EP300: variants seen among roughly 807,000 people sequenced by gnomAD.
EP300 encodes histone acetyltransferase p300.
Under a neutral mutation model 264.0 loss-of-function variants are expected in EP300, and 31 were observed. The ratio of observed to expected loss-of-function variants is 0.12; its 90% confidence interval spans 0.09 to 0.16. EP300 has a LOEUF of 0.16. Ranked by LOEUF, EP300 falls within the 10% of genes least tolerant of loss-of-function variation. EP300 has a pLI of 1.00. For synonymous variants in EP300, 1,340 were observed against 1,045.4 expected, an observed-to-expected ratio of 1.28 and a Z score of -5.44; for missense variants, 2,766 against 3,052.9, an observed-to-expected ratio of 0.91 and a Z score of 2.21.
In EP300 at chr22:41,177,101, A is replaced by G. The variant is rs770531865; in HGVS notation, c.5390A>G (p.Gln1797Arg). Residue 1797 changes from glutamine (Q) to arginine (R), a missense_variant, in exon 31 of 31, where the codon CAG (glutamine) becomes CGG (arginine). Transcript: ENST00000263253. ...ALCCYHAKHC[Q>R]ENKCPVPFCL... ...TGCTGCTACCATGCCAAGCACTGCC[A>G]GGAGAACAAATGCCCGGTGCCGTTC... is the stretch of plus-strand genomic sequence containing the variant. 6.2e-7 allele frequency: 1 copy of G among 1,614,014 alleles called. No homozygotes were observed. Among genetic ancestry groups the G allele is most frequent in the Non-Finnish European group, 8.5e-7 (1 of 1,180,026 alleles).
rs537538160 is a variant in EP300, at chr22:41,156,976, G to T, written c.3262-193G>T. 2.0e-5 allele frequency among the ~76,000 whole-genome samples: 3 copies of T among 152,256 alleles called. No individual in the cohort carries two copies. The South Asian group carries it at 6.2e-4, about 32-fold the overall frequency. ...AAGTCCATAGTAGTTCTGTTTCTCT[G>T]CCCTTTGAGTAGTTTAATATCTCTG... On this transcript the variant is annotated intron_variant, in intron 17 of 30. Transcript: ENST00000263253.
At chr22:41,174,604 T>C (rs2059189589) in intron 29 of EP300, 1 of 151,998 alleles carries the variant, frequency 6.6e-6, no homozygotes, top group African/African-American at 2.4e-5. Flanking sequence ...CTCTTTAATA[T>C]CATATAATTG....
At chr22:41,169,659 G>A (rs1405767065) in intron 26 of EP300, 43 bp downstream of exon 26, 2 of 1,163,506 alleles carry the variant, frequency 1.7e-6, no homozygotes, top group Non-Finnish European at 2.6e-6. Flanking sequence ...TAACTAGCAT[G>A]GCATTCTGGT....
At chr22:41,169,680 T>C in intron 26 of EP300, 64 bp downstream of exon 26, 1 of 935,294 alleles carries the variant, frequency 1.1e-6, no homozygotes, top group Non-Finnish European at 1.7e-6. Context: ...GAGATATAGG[T>C]TAAATATGCA....
At chr22:41,132,952 T>A (rs2058929060) in intron 6 of EP300, among the ~76,000 whole-genome samples, 1 of 152,178 alleles carries the variant, frequency 6.6e-6, no homozygotes, top group Non-Finnish European at 1.5e-5. Flanking sequence ...ATCAAACAGC[T>A]TTTTTCTGTG....
rs1348403704 is a variant in EP300, at chr22:41,179,304, T to G, written c.*348T>G. 7 of 292,906 alleles carry G rather than the reference T, an allele frequency of 2.4e-5. No individual in the cohort carries two copies. The highest frequency in any genetic ancestry group is 1.0e-3 in the Middle Eastern group (1 of 1,002). 18.1% of individuals were successfully genotyped at this position (292,906 alleles called of 1,614,324 possible). ...GGTTTTATTATTTTTTTTAAATTAA[T>G]GAACATATGTAATATTAATAGTTAT... On this transcript the variant is annotated 3_prime_UTR_variant, in exon 31 of 31. Coordinates refer to ENST00000263253, the MANE Select transcript of EP300 (RefSeq NM_001429.4).
At chr22:41,100,004 G>A (rs1356461222) in intron 1 of EP300, among the ~76,000 whole-genome samples, 1 of 152,120 alleles carries the variant, frequency 6.6e-6, no homozygotes, top group Non-Finnish European at 1.5e-5. Flanking sequence ...ATTGCTTGAG[G>A]CCAGGCATTC....
At chr22:41,153,257 G>A (rs2059057480) in intron 16 of EP300, among the ~76,000 whole-genome samples, 1 of 152,180 alleles carries the variant, frequency 6.6e-6, no homozygotes, top group Admixed American at 6.5e-5. Context: ...TGGCTCTAGT[G>A]ATCTGCAAAA....
At chr22:41,146,339 G>A (rs968131556) in intron 10 of EP300, among the ~76,000 whole-genome samples, 15 of 151,956 alleles carry the variant, frequency 9.9e-5, no homozygotes, top group African/African-American at 3.4e-4. Flanking sequence ...TAATTTTTTT[G>A]TATTTTTAGT....
intron 1 of EP300, among the ~76,000 whole-genome samples, chr22:41,109,233 G>A (rs1221118080): frequency 7.7e-6 from 1 of 129,178 alleles, no homozygotes; most frequent in Non-Finnish European, 1.6e-5. Flanking sequence ...CAGGCTGGGC[G>A]ACAGAGCAAG....
chr22:41,128,303 AAAG>A (rs1179505287), intron 4 of EP300, among the ~76,000 whole-genome samples: 2 of 152,060 alleles, frequency 1.3e-5, no homozygotes, highest in Non-Finnish European at 2.9e-5. Flanking sequence ...AAAAAATACT[AAAG>A]AAAATCAGCC....
rs370858879 is a variant in EP300 at position 41,096,286 on chromosome 22, T to C, written c.94+3188T>C. Among the ~76,000 whole-genome samples, 21 of 152,224 alleles carry C rather than the reference T, an allele frequency of 1.4e-4. No individual in the cohort carries two copies. The East Asian group carries it at 2.5e-3, about 18-fold the overall frequency. ...TGGAGCTGTTTCTGATCATCTTGAG[T>C]GATGGAAATGATGAGGGTCATCTGT... is the stretch of plus-strand genomic sequence containing the variant. On this transcript the variant is annotated intron_variant, in intron 1 of 30. Transcript: ENST00000263253.
At chr22:41,152,892 G>A (rs1340191910) in intron 16 of EP300, among the ~76,000 whole-genome samples, 1 of 152,012 alleles carries the variant, frequency 6.6e-6, no homozygotes, top group Non-Finnish European at 1.5e-5. Flanking sequence ...CGAGTATCTG[G>A]GACTGCATGC....
At chr22:41,112,254 GTC>G (rs557857203) in intron 1 of EP300, among the ~76,000 whole-genome samples, 2 of 151,276 alleles carry the variant, frequency 1.3e-5, no homozygotes, top group South Asian at 4.2e-4. Flanking sequence ...CAGTGGCACT[GTC>G]TCTGCTCACT....
intron 7 of EP300, among the ~76,000 whole-genome samples, chr22:41,136,593 C>T (rs2058952302): frequency 6.6e-6 from 1 of 151,278 alleles, no homozygotes; most frequent in African/African-American, 2.4e-5. Context: ...GCTGGGAGGT[C>T]GAGGCTCTGG....
At chr22:41,151,777 G>T in intron 14 of EP300, 56 bp from the exon 15 acceptor site, 1 of 1,549,860 alleles carries the variant, frequency 6.5e-7, no homozygotes, top group Non-Finnish European at 8.9e-7. Context: ...CATTCTGATT[G>T]TATCGTTGGC....
chr22:41,111,976 C>T (rs2058794321), intron 1 of EP300, among the ~76,000 whole-genome samples: 2 of 147,924 alleles, frequency 1.4e-5, no homozygotes, highest in South Asian at 2.2e-4. Context: ...CAAGCTCCGC[C>T]TCCCGGGTTC....
In EP300 at chr22:41,177,881, C is replaced by G. The variant is rs756318910; in HGVS notation, c.6170C>G (p.Thr2057Ser). 1.9e-6 allele frequency: 3 copies of G among 1,614,244 alleles called. No homozygotes were observed. The highest frequency in any genetic ancestry group is 1.1e-5 in the South Asian group (1 of 91,088). The change falls in exon 31 of 31, where the codon ACT (threonine) becomes AGT (serine). Residue 2057 changes from threonine (T) to serine (S), a missense_variant. Thr to Ser is a moderately conservative substitution (Grantham distance 58). Transcript: ENST00000263253. ...CAAGCCTTACAAAACCTTTTGCGGA[C>G]TCTCAGGTCTCCCAGCTCTCCCCTG... Reference protein sequence around the residue: ...SQQALQNLLRTLRSPSSPLQQ... With the variant: ...SQQALQNLLRSLRSPSSPLQQ...
intron 29 of EP300, among the ~76,000 whole-genome samples, chr22:41,175,148 G>A (rs150490734): frequency 2.2e-3 from 338 of 152,294 alleles, no homozygotes; most frequent in Non-Finnish European, 3.9e-3. Flanking sequence ...AAAGCCCTTA[G>A]AATATATTGT....
Sources: allele counts gnomAD v4.1 joint callset (sites outside exome capture counted in the v4.1 genomes callset), GRCh38; gene constraint gnomAD v4.1.1; transcripts MANE v1.5; gene names NCBI Gene and HGNC (gene_info 2026-07-23, HGNC 2026-07-21).